CACNA2D3: variants seen among roughly 807,000 people sequenced by gnomAD.
The protein encoded by CACNA2D3 is voltage-dependent calcium channel subunit alpha-2/delta-3.
In CACNA2D3, 60 loss-of-function variants were observed where a neutral mutation model predicts 160.6. The observed-to-expected ratio is 0.37, with a 90% CI of 0.30 to 0.46. The LOEUF (loss-of-function observed/expected upper bound fraction) is 0.46, where lower values mean the gene tolerates loss of function less well. CACNA2D3 is among the 20% of genes least tolerant of loss of function. The pLI is 1.00. For missense variants in CACNA2D3, 1,205 were observed against 1,365.0 expected, an observed-to-expected ratio of 0.88 and a Z score of 1.85; for synonymous variants, 558 against 492.9, an observed-to-expected ratio of 1.13 and a Z score of -1.75.
intron 27 of CACNA2D3, among the ~76,000 whole-genome samples, chr3:54,912,856 G>A (rs918277876): frequency 6.6e-6 from 1 of 151,960 alleles, no homozygotes; most frequent in Admixed American, 6.6e-5. Flanking sequence ...CATTGTAGAC[G>A]GTCTTCATCT....
intron 34 of CACNA2D3, among the ~76,000 whole-genome samples, chr3:55,012,039 C>T (rs1206345727): frequency 9.2e-5 from 14 of 152,210 alleles, no homozygotes; most frequent in Admixed American, 8.5e-4. Context: ...TCCCCTCTCC[C>T]TCTGAATCAG....
Position 54,563,223 on chromosome 3 carries a change from A to G in CACNA2D3, c.676+292A>G, listed in dbSNP as rs982773465. On this transcript the variant is annotated intron_variant, in intron 6 of 37. Transcript: ENST00000474759. ...AGAACTGTAGTGTGAACTGTACCTT[A>G]TTTAATACTTCTGAACAAGAGTTTG... Among the ~76,000 whole-genome samples, 5 of 152,180 alleles carry G rather than the reference A, an allele frequency of 3.3e-5. No individual in the cohort carries two copies. In the South Asian group the frequency reaches 1.0e-3, roughly 32 times the overall value.
intron 9 of CACNA2D3, among the ~76,000 whole-genome samples, chr3:54,619,816 T>C (rs930018074): frequency 2.6e-5 from 4 of 152,124 alleles, no homozygotes; most frequent in Non-Finnish European, 1.5e-5. Flanking sequence ...GGCTCTGCAC[T>C]GCCCTAACAT....
rs570842787 is a variant in CACNA2D3, at chr3:54,369,282, A to C, written c.322-17433A>C. Among the ~76,000 whole-genome samples the C allele has an allele frequency of 4.3e-3, 650 of 152,108 alleles. 1 individual carries two copies. Among genetic ancestry groups the C allele is most frequent in the Admixed American group, 8.6e-3 (131 of 15,294 alleles). ...AATGACACAAACCTTAAAAAAAAAA[A>C]CAGTGGTATAGAGTAGAACTAAGTT... On this transcript the variant is annotated intron_variant, in intron 3 of 37. Coordinates refer to ENST00000474759, the MANE Select transcript of CACNA2D3 (RefSeq NM_018398.3).
intron 2 of CACNA2D3, among the ~76,000 whole-genome samples, chr3:54,224,556 T>C (rs1304119572): frequency 6.6e-6 from 1 of 152,124 alleles, no homozygotes; most frequent in Non-Finnish European, 1.5e-5. Flanking sequence ...TATAATCTTA[T>C]GAGACCACCG....
chr3:54,567,457 CA>C (rs1702425672), intron 6 of CACNA2D3, among the ~76,000 whole-genome samples: 2 of 152,138 alleles, frequency 1.3e-5, no homozygotes, highest in Admixed American at 1.3e-4. Context: ...GTAGGGAAGA[CA>C]AATGCCATGT....
At chr3:55,070,510 G>A (rs1704778763) in intron 35 of CACNA2D3, among the ~76,000 whole-genome samples, 1 of 152,158 alleles carries the variant, frequency 6.6e-6, no homozygotes, top group Non-Finnish European at 1.5e-5. Context: ...GGAACCATTT[G>A]TGCAGCGGTC....
intron 27 of CACNA2D3, chr3:54,918,684 G>T (rs987806872): frequency 1.9e-6 from 3 of 1,613,994 alleles, no homozygotes; most frequent in Admixed American, 1.7e-5. Context: ...GTTTGAGCTC[G>T]CACTCCAAGA....
chr3:54,946,467 G>A (rs1406490523), intron 27 of CACNA2D3, among the ~76,000 whole-genome samples: 1 of 152,200 alleles, frequency 6.6e-6, no homozygotes, highest in African/African-American at 2.4e-5. Flanking sequence ...AGAATATAGA[G>A]AGGGGAAGAA....
chr3:54,610,269 A>G (rs1171496100), intron 9 of CACNA2D3, among the ~76,000 whole-genome samples: 1 of 152,192 alleles, frequency 6.6e-6, no homozygotes, highest in Non-Finnish European at 1.5e-5. Flanking sequence ...GCAGGACACA[A>G]TTTAACCCAT....
chr3:54,734,298 T>C (rs2107020714), intron 11 of CACNA2D3, among the ~76,000 whole-genome samples: 1 of 152,306 alleles, frequency 6.6e-6, no homozygotes, highest in Non-Finnish European at 1.5e-5. Flanking sequence ...CGGGACTCAG[T>C]TAAGTCAGGA....
At chr3:54,285,430 G>A (rs1702989798) in intron 2 of CACNA2D3, among the ~76,000 whole-genome samples, 1 of 152,186 alleles carries the variant, frequency 6.6e-6, no homozygotes, top group South Asian at 2.1e-4. Flanking sequence ...AAAACAGCCG[G>A]GAAGCTCGAA....
intron 13 of CACNA2D3, among the ~76,000 whole-genome samples, chr3:54,792,816 G>C (rs889411607): frequency 1.3e-5 from 2 of 152,090 alleles, no homozygotes; most frequent in African/African-American, 2.4e-5. Flanking sequence ...CAGGAGTCGC[G>C]TGTCTACCCT....
intron 4 of CACNA2D3, among the ~76,000 whole-genome samples, chr3:54,487,708 G>T (rs1701037791): frequency 6.6e-6 from 1 of 151,844 alleles, no homozygotes; most frequent in Non-Finnish European, 1.5e-5. Context: ...ATGCAATAAA[G>T]AAAAAAAATA....
chr3:54,752,463 G>A (rs373151120), intron 11 of CACNA2D3, 136 bp from the exon 12 acceptor site: 5 of 643,872 alleles, frequency 7.8e-6, no homozygotes, highest in Non-Finnish European at 1.4e-5. Context: ...TACTTCAGAT[G>A]TCTTAAATAT....
At chr3:54,644,883 G>T (rs1444239929) in intron 11 of CACNA2D3, among the ~76,000 whole-genome samples, 1 of 152,188 alleles carries the variant, frequency 6.6e-6, no homozygotes, top group Non-Finnish European at 1.5e-5. Flanking sequence ...TACTCTGCAG[G>T]CTTTGCCATA....
chr3:55,052,294 A>G lies in CACNA2D3; in HGVS notation c.2988-21151A>G, dbSNP rs186580915. On this transcript the variant is annotated intron_variant, in intron 35 of 37. Transcript: ENST00000474759. Reference sequence around the variant, plus strand: ...TTCTATTTTATTATGGTTTGGGAGCATTCTTTGTATAATTTTAATTCTTTT... The same window carrying G: ...TTCTATTTTATTATGGTTTGGGAGCGTTCTTTGTATAATTTTAATTCTTTT... Among the ~76,000 whole-genome samples the G allele has an allele frequency of 1.0e-3, 153 of 152,254 alleles. 1 individual carries two copies. Among genetic ancestry groups the G allele is most frequent in the Non-Finnish European group, 1.6e-3 (106 of 68,014 alleles).
chr3:54,507,325 T>A (rs1701387041), intron 5 of CACNA2D3, among the ~76,000 whole-genome samples: 2 of 152,110 alleles, frequency 1.3e-5, no homozygotes. Context: ...CCTCCTTGAT[T>A]CTTTTTGTCT....
chr3:54,325,472 C>A (rs1704102986), intron 3 of CACNA2D3, among the ~76,000 whole-genome samples: 1 of 152,138 alleles, frequency 6.6e-6, no homozygotes, highest in South Asian at 2.1e-4. Context: ...ACAGCTCTGC[C>A]ACTGCCTTCA....
Sources: gnomAD v4.1 joint callset for allele counts (sites outside exome capture counted in the v4.1 genomes callset) on GRCh38, gnomAD v4.1.1 for gene constraint, MANE v1.5 for transcripts, NCBI Gene and HGNC (gene_info 2026-07-23, HGNC 2026-07-21) for gene names.